SEMA3D: variants seen among roughly 807,000 people sequenced by gnomAD.
The protein encoded by SEMA3D is semaphorin 3D, also known as semaphorin-3D.
A neutral mutation model predicts 100.1 loss-of-function variants in SEMA3D; 84 were observed. That is an observed-to-expected ratio of 0.84 (90% confidence interval 0.70 to 1.01). The LOEUF (loss-of-function observed/expected upper bound fraction) is 1.01, where lower values mean the gene tolerates loss of function less well. Ranked by LOEUF, SEMA3D falls within the 50% of genes least tolerant of loss-of-function variation. The pLI, the probability that SEMA3D is intolerant of heterozygous loss-of-function variation, is 0.00. For synonymous variants in SEMA3D, 312 were observed against 320.7 expected (o/e 0.97, Z 0.29); for missense variants, 875 against 934.1 (o/e 0.94, Z 0.82).
At chr7:85,101,043 G>A (rs1270842726) in intron 3 of SEMA3D, among the ~76,000 whole-genome samples, 1 of 151,858 alleles carries the variant, frequency 6.6e-6, no homozygotes, top group Non-Finnish European at 1.5e-5. Context: ...TAGCAGTTCC[G>A]AATGCAGGGA....
chr7:85,202,432 C>T, the SEMA3D span, among the ~76,000 whole-genome samples: 20 of 151,860 alleles, frequency 1.3e-4, no homozygotes, highest in Non-Finnish European at 5.9e-5. Flanking sequence ...TGTATATGTG[C>T]CACATTTTCT....
chr7:85,147,134 C>G, intron 2 of SEMA3D, among the ~76,000 whole-genome samples: 1 of 72,124 alleles, frequency 1.4e-5, no homozygotes, highest in Non-Finnish European at 2.5e-5. Context: ...CGGAGTTTTC[C>G]TCTTGTTGCC....
intron 2 of SEMA3D, chr7:85,142,025 G>A (rs1790064028): frequency 1.0e-6 from 1 of 980,978 alleles, no homozygotes; most frequent in Admixed American, 6.2e-5. Context: ...AAATTTAATA[G>A]CCAGCAAAAT....
chr7:85,055,702 A>G lies in SEMA3D; in HGVS notation c.861+15T>C, dbSNP rs773039409. ...TATATATATGTTTTAAGTAAAATAT[A>G]TAAATATATCTTGCCTTACAAACTC... On this transcript the variant is annotated intron_variant, in intron 9 of 18. Coordinates refer to ENST00000284136, the MANE Select transcript of SEMA3D (RefSeq NM_001384900.1). 3 of 897,468 alleles carry G rather than the reference A, an allele frequency of 3.3e-6. No homozygotes were observed. The highest frequency in any genetic ancestry group is 4.7e-6 in the Non-Finnish European group (3 of 637,770). The allele number at this position is 897,468 out of a possible 1,614,324, so 55.6% of individuals were successfully genotyped here. A position where few individuals can be genotyped will look rare whatever the true frequency, so the allele number is the denominator to read the frequency against.
intron 3 of SEMA3D, among the ~76,000 whole-genome samples, chr7:85,105,957 C>T (rs544125228): frequency 1.3e-5 from 2 of 152,048 alleles, no homozygotes; most frequent in African/African-American, 4.8e-5. Flanking sequence ...TCTTATTTGG[C>T]CAGCTTTCAA....
intron 1 of SEMA3D, among the ~76,000 whole-genome samples, chr7:85,179,688 A>G (rs1791342492): frequency 6.8e-6 from 1 of 146,930 alleles, no homozygotes; most frequent in African/African-American, 2.5e-5. Flanking sequence ...TTGAGACGGA[A>G]TCTCGCTCTT....
rs1409822902 is a variant in SEMA3D, at chr7:85,162,515, T to G, written c.-172-8776A>C. Among the ~76,000 whole-genome samples the G allele has an allele frequency of 3.3e-5, 5 of 152,118 alleles. No homozygotes were observed. The East Asian group carries it at 9.6e-4, about 29-fold the overall frequency. On this transcript the variant is annotated intron_variant, in intron 1 of 18. Coordinates refer to ENST00000284136, the MANE Select transcript of SEMA3D (RefSeq NM_001384900.1). ...TGTTTTCATTGAATGACCTTTGTTT[T>G]CTAAGAATGACATGTCATAGTTGAT...
intron 8 of SEMA3D, among the ~76,000 whole-genome samples, chr7:85,063,121 G>A (rs1001554695): frequency 1.1e-4 from 17 of 151,966 alleles, no homozygotes; most frequent in Non-Finnish European, 1.9e-4. Flanking sequence ...TCCTTATAAC[G>A]CCCTGTGAAT....
intron 2 of SEMA3D, among the ~76,000 whole-genome samples, chr7:85,148,829 AT>A (rs1007958880): frequency 4.0e-5 from 6 of 151,686 alleles, no homozygotes; most frequent in South Asian, 2.1e-4. Context: ...GTGTGTGTAG[AT>A]TTTTTTTGTT....
intron 2 of SEMA3D, among the ~76,000 whole-genome samples, chr7:85,136,616 A>G: frequency 6.6e-6 from 1 of 152,252 alleles, no homozygotes; most frequent in South Asian, 2.1e-4. Context: ...TTTTTATTTA[A>G]AATATTAAAG....
At chr7:85,103,929 C>T (rs940178415) in intron 3 of SEMA3D, among the ~76,000 whole-genome samples, 6 of 151,864 alleles carry the variant, frequency 4.0e-5, no homozygotes, top group Non-Finnish European at 5.9e-5. Flanking sequence ...TTCCGAGGAT[C>T]GAATTTCATA....
intron 17 of SEMA3D, among the ~76,000 whole-genome samples, chr7:85,010,156 C>T (rs900476036): frequency 6.6e-6 from 1 of 151,712 alleles, no homozygotes; most frequent in African/African-American, 2.4e-5. Flanking sequence ...TGAATGCAAA[C>T]ATACATAAGG....
chr7:85,115,985 T>G (rs899629819), intron 3 of SEMA3D, among the ~76,000 whole-genome samples: 4 of 152,076 alleles, frequency 2.6e-5, no homozygotes, highest in African/African-American at 9.7e-5. Context: ...TAGTCAGTGT[T>G]TCATGTTTTT....
At chr7:85,063,241 A>C (rs1401279566) in intron 8 of SEMA3D, among the ~76,000 whole-genome samples, 1 of 152,212 alleles carries the variant, frequency 6.6e-6, no homozygotes, top group Non-Finnish European at 1.5e-5. Context: ...TAAGTTCCAC[A>C]GAATCAATTT....
At chr7:85,185,719 G>A (rs1240222409) in intron 1 of SEMA3D, among the ~76,000 whole-genome samples, 1 of 152,120 alleles carries the variant, frequency 6.6e-6, no homozygotes, top group Non-Finnish European at 1.5e-5. Context: ...CGGAGGCAAA[G>A]CAACTCAGCC....
At chr7:85,143,536 A>G (rs1441349411) in intron 2 of SEMA3D, among the ~76,000 whole-genome samples, 1 of 152,142 alleles carries the variant, frequency 6.6e-6, no homozygotes, top group Non-Finnish European at 1.5e-5. Flanking sequence ...ATGTATTTAA[A>G]CTTATCTAAA....
intron 4 of SEMA3D, among the ~76,000 whole-genome samples, chr7:85,084,710 G>A (rs1303254552): frequency 6.6e-6 from 1 of 151,774 alleles, no homozygotes; most frequent in African/African-American, 2.4e-5. Context: ...TCTTCACCCA[G>A]GTATTAAGCC....
rs372151810 is a variant in SEMA3D at position 85,012,804 on chromosome 7, G to C, written c.1746C>G (p.Thr582=). The change falls in exon 17 of 19, where the codon ACC becomes ACG. Residue 582 remains threonine, a synonymous_variant. Coordinates refer to ENST00000284136, the MANE Select transcript of SEMA3D (RefSeq NM_001384900.1). The stretch of plus-strand genomic sequence containing the variant: ...TACTGTCTTCGATGTCCCAGCACTG[G>C]GTGATTGGGTCGCCATATTTTACAT... The part of the protein sequence containing the change: ...RQDVKYGDPI[T]QCWDIEDSIS... 1.1e-4 allele frequency: 177 copies of C among 1,610,346 alleles called. No homozygotes were observed. Among genetic ancestry groups the C allele is most frequent in the Non-Finnish European group, 1.5e-4 (171 of 1,177,554 alleles).
intron 4 of SEMA3D, among the ~76,000 whole-genome samples, chr7:85,083,792 A>C (rs1184302025): frequency 7.0e-6 from 1 of 142,330 alleles, no homozygotes; most frequent in Non-Finnish European, 1.5e-5. Flanking sequence ...GCTTGCAGTG[A>C]GCCGAGATCG....
Sources: gnomAD v4.1 joint callset for allele counts (sites outside exome capture counted in the v4.1 genomes callset) on GRCh38, gnomAD v4.1.1 for gene constraint, MANE v1.5 for transcripts, NCBI Gene and HGNC (gene_info 2026-07-23, HGNC 2026-07-21) for gene names.